HECW2: variants seen among roughly 807,000 people sequenced by gnomAD.
HECW2 encodes HECT, C2 and WW domain containing E3 ubiquitin protein ligase 2.
In HECW2, 61 loss-of-function variants were observed where a neutral mutation model predicts 175.2. The ratio of observed to expected loss-of-function variants is 0.35; its 90% CI spans 0.28 to 0.43. HECW2 has a LOEUF of 0.43. HECW2 is among the 20% of genes least tolerant of loss of function. The pLI is 1.00. For missense variants in HECW2, 1,524 were observed against 2,000.5 expected, an observed-to-expected ratio of 0.76 and a Z score of 4.54; for synonymous variants, 671 against 731.0, an observed-to-expected ratio of 0.92 and a Z score of 1.32.
At chr2:196,363,754 T>C (rs79186871) in intron 2 of HECW2, among the ~76,000 whole-genome samples, 4,188 of 152,004 alleles carry the variant, frequency 0.028, 84 homozygotes, top group South Asian at 0.064. Context: ...AGCCCAGGAG[T>C]TTGAGGCTAC....
chr2:196,536,301 C>T (rs1027759865), intron 1 of HECW2, among the ~76,000 whole-genome samples: 1 of 152,092 alleles, frequency 6.6e-6, no homozygotes, highest in Non-Finnish European at 1.5e-5. Flanking sequence ...TCTTGGTACA[C>T]CTAGGTGCAT....
intron 24 of HECW2, 38 bp from the exon 25 acceptor site, chr2:196,220,979 T>C: frequency 1.2e-6 from 2 of 1,604,812 alleles, no homozygotes; most frequent in Non-Finnish European, 1.7e-6. Context: ...TACAAAGCAA[T>C]ACTCTTAATG....
chr2:196,387,126 T>A (rs1441521003), intron 2 of HECW2, among the ~76,000 whole-genome samples: 1 of 152,196 alleles, frequency 6.6e-6, no homozygotes, highest in Non-Finnish European at 1.5e-5. Flanking sequence ...TCTTACCTTC[T>A]TTCATAAGCT....
At chr2:196,267,993 G>C (rs1052140622) in intron 17 of HECW2, among the ~76,000 whole-genome samples, 3 of 152,158 alleles carry the variant, frequency 2.0e-5, no homozygotes, top group Non-Finnish European at 4.4e-5. Context: ...TTACTGAGTG[G>C]CTCCATTCCA....
In HECW2 at chr2:196,416,755, A is replaced by T. The variant is rs550867297; in HGVS notation, c.292+16377T>A. On this transcript the variant is annotated intron_variant, in intron 2 of 28. Transcript: ENST00000644978. ...AGGCTGCAGGGAATTTTAGTTTTTGATGACAAGGGCTTTGTTGTTATTATT... is the reference window on the plus strand; with the variant it reads ...AGGCTGCAGGGAATTTTAGTTTTTGTTGACAAGGGCTTTGTTGTTATTATT... 1.9e-4 allele frequency among the ~76,000 whole-genome samples: 29 copies of T among 152,316 alleles called. 1 individual carries two copies. The South Asian group carries it at 5.8e-3, about 30-fold the overall frequency.
intron 17 of HECW2, among the ~76,000 whole-genome samples, chr2:196,264,803 C>T (rs1689446180): frequency 6.6e-6 from 1 of 152,148 alleles, no homozygotes; most frequent in Non-Finnish European, 1.5e-5. Flanking sequence ...TTAGTACATC[C>T]ATTCAAATAA....
chr2:196,551,672 G>A (rs1187275366), intron 1 of HECW2, among the ~76,000 whole-genome samples: 1 of 152,086 alleles, frequency 6.6e-6, no homozygotes, highest in African/African-American at 2.4e-5. Flanking sequence ...TCTAAATACA[G>A]TATCTGATAA....
intron 1 of HECW2, among the ~76,000 whole-genome samples, chr2:196,556,364 A>G (rs1423111988): frequency 1.3e-5 from 2 of 152,290 alleles, no homozygotes; most frequent in East Asian, 3.9e-4. Context: ...ATTATTCACT[A>G]TAGTCATCAT....
chr2:196,506,225 T>C (rs1687758481), intron 1 of HECW2, among the ~76,000 whole-genome samples: 1 of 152,144 alleles, frequency 6.6e-6, no homozygotes, highest in Non-Finnish European at 1.5e-5. Flanking sequence ...TCAGATGGCT[T>C]TAAAGGTGGA....
intron 15 of HECW2, among the ~76,000 whole-genome samples, chr2:196,276,879 T>C (rs1689977571): frequency 6.6e-6 from 1 of 152,232 alleles, no homozygotes; most frequent in Non-Finnish European, 1.5e-5. Flanking sequence ...AAGAGTAGAA[T>C]TTTGATGAAT....
At chr2:196,434,841 C>T (rs1050364279) in intron 1 of HECW2, among the ~76,000 whole-genome samples, 4 of 152,194 alleles carry the variant, frequency 2.6e-5, no homozygotes, top group African/African-American at 9.7e-5. Context: ...TATATTTCAA[C>T]ACCCACTGCA....
chr2:196,575,197 G>T (rs1690521341), intron 1 of HECW2, among the ~76,000 whole-genome samples: 1 of 147,178 alleles, frequency 6.8e-6, no homozygotes, highest in Admixed American at 6.8e-5. Context: ...AACCACCAGA[G>T]AAATGCAAAT....
intron 1 of HECW2, among the ~76,000 whole-genome samples, chr2:196,437,092 T>C (rs1695899553): frequency 6.6e-6 from 1 of 152,042 alleles, no homozygotes; most frequent in Non-Finnish European, 1.5e-5. Flanking sequence ...GAAAGATTTG[T>C]GAGGCAAAAG....
chr2:196,579,734 C>G (rs1690700296), intron 1 of HECW2, among the ~76,000 whole-genome samples: 1 of 152,088 alleles, frequency 6.6e-6, no homozygotes, highest in Non-Finnish European at 1.5e-5. Context: ...TTAATCTAAT[C>G]TGACAGGTGT....
At chr2:196,451,675 G>A (rs778286292) in intron 1 of HECW2, among the ~76,000 whole-genome samples, 1 of 151,948 alleles carries the variant, frequency 6.6e-6, no homozygotes, top group Admixed American at 6.6e-5. Context: ...CAAGGCAAGA[G>A]GATCACTGAG....
chr2:196,500,946 C>A (rs1460695380), intron 1 of HECW2, among the ~76,000 whole-genome samples: 1 of 152,170 alleles, frequency 6.6e-6, no homozygotes, highest in African/African-American at 2.4e-5. Context: ...GGCAAGATTC[C>A]AACAGTGAGG....
At chr2:196,541,833 C>T (rs1374272279) in intron 1 of HECW2, among the ~76,000 whole-genome samples, 1 of 151,440 alleles carries the variant, frequency 6.6e-6, no homozygotes, top group Non-Finnish European at 1.5e-5. Context: ...AAGATTTTTT[C>T]AGAAAAATGT....
chr2:196,306,368 G>A, intron 13 of HECW2, 120 bp downstream of exon 13: 1 of 1,075,570 alleles, frequency 9.3e-7, no homozygotes, highest in Admixed American at 2.4e-5. Context: ...CACAAAGCTT[G>A]GAACACACTA....
intron 1 of HECW2, among the ~76,000 whole-genome samples, chr2:196,538,090 C>T (rs560676914): frequency 2.6e-5 from 4 of 152,328 alleles, no homozygotes; most frequent in South Asian, 2.1e-4. Flanking sequence ...AACAGAAAGA[C>T]GAAGGAGTCC....
Sources: gnomAD v4.1 joint callset for allele counts (sites outside exome capture counted in the v4.1 genomes callset) on GRCh38, gnomAD v4.1.1 for gene constraint, MANE v1.5 for transcripts, NCBI Gene and HGNC (gene_info 2026-07-23, HGNC 2026-07-21) for gene names.